Variants in ZNF385D observed in about 807,000 individuals in gnomAD.
The protein encoded by ZNF385D is zinc finger protein 385D.
Under a neutral mutation model 35.8 loss-of-function variants are expected in ZNF385D, and 15 were observed. The observed-to-expected ratio is 0.42, with a 90% confidence interval of 0.28 to 0.64. The LOEUF (loss-of-function observed/expected upper bound fraction) is 0.64. ZNF385D is among the 30% of genes least tolerant of loss of function. The pLI is 0.23. For missense variants in ZNF385D, 474 were observed against 494.6 expected (o/e 0.96, Z 0.39); for synonymous variants, 212 against 186.8 (o/e 1.13, Z -1.10).
chr3:22,365,471 G>T (rs867985791), intron 2 of ZNF385D, among the ~76,000 whole-genome samples: 2 of 152,022 alleles, frequency 1.3e-5, no homozygotes, highest in Non-Finnish European at 2.9e-5. Flanking sequence ...CAGTCGACGA[G>T]ATGTTTATCT....
intron 4 of ZNF385D, among the ~76,000 whole-genome samples, chr3:21,475,204 G>GT (rs1704154691): frequency 1.3e-5 from 2 of 151,802 alleles, no homozygotes; most frequent in African/African-American, 4.8e-5. Context: ...AAGTAATTGT[G>GT]GTTTTTGCCA....
intron 1 of ZNF385D, among the ~76,000 whole-genome samples, chr3:21,729,201 T>C (rs1295265250): frequency 6.6e-6 from 1 of 152,102 alleles, no homozygotes; most frequent in East Asian, 1.9e-4. Context: ...AAATCAAAGT[T>C]ACAAGGATTC....
intron 4 of ZNF385D, among the ~76,000 whole-genome samples, chr3:21,482,860 A>G (rs1346332895): frequency 2.6e-5 from 4 of 152,138 alleles, no homozygotes; most frequent in African/African-American, 9.7e-5. Context: ...AGATCCACAT[A>G]GAAGTTGCAA....
Position 21,533,900 on chromosome 3 carries a change from C to G in ZNF385D, c.277-22877G>C, listed in dbSNP as rs76843757. ...AAGACAAAAGAGAAATATCAGACCT[C>G]TAGCAATCTTTGCCATAGTCACCTA... On this transcript the variant is annotated intron_variant, in intron 3 of 7. Transcript: ENST00000281523. 2.9e-3 allele frequency among the ~76,000 whole-genome samples: 442 copies of G among 152,212 alleles called. 4 individuals carry two copies. The highest frequency in any genetic ancestry group is 9.3e-3 in the African/African-American group (386 of 41,560).
intron 3 of ZNF385D, among the ~76,000 whole-genome samples, chr3:22,129,239 C>A (rs1056548507): frequency 6.6e-6 from 1 of 152,148 alleles, no homozygotes; most frequent in East Asian, 1.9e-4. Flanking sequence ...AGTGGTGACA[C>A]AAGCATTCCC....
At position 21,419,187 on chromosome 3, in the gene ZNF385D, C is replaced by A. The variant is rs555800972; in HGVS notation, c.*2027G>T. The A allele has an allele frequency of 6.6e-6, 1 of 151,798 alleles. No homozygotes were observed. The allele number at this position is 151,798 out of a possible 1,614,324, so 9.4% of individuals were successfully genotyped here. A position where few individuals can be genotyped will look rare whatever the true frequency, so the allele number is the denominator to read the frequency against. ...CCATCTCCTTTCCTTCCTTCCTTCC[C>A]TCCTTTCTTCCTTCCTTCCTTCCAT... is the stretch of plus-strand genomic sequence containing the variant. On this transcript the variant is annotated 3_prime_UTR_variant, in exon 8 of 8. Coordinates refer to ENST00000281523, the MANE Select transcript of ZNF385D (RefSeq NM_024697.3).
At chr3:21,970,461 T>G (rs138238104) in intron 3 of ZNF385D, among the ~76,000 whole-genome samples, 36 of 150,872 alleles carry the variant, frequency 2.4e-4, no homozygotes, top group African/African-American at 8.2e-4. Context: ...GCAAAAGAAA[T>G]AAATAGTGAG....
intron 3 of ZNF385D, among the ~76,000 whole-genome samples, chr3:21,773,786 G>A (rs1170180921): frequency 6.6e-6 from 1 of 151,850 alleles, no homozygotes; most frequent in Non-Finnish European, 1.5e-5. Flanking sequence ...TGCTGGTGAG[G>A]TTGTGGAGAA....
chr3:22,069,969 G>A (rs974430845), intron 3 of ZNF385D, among the ~76,000 whole-genome samples: 1 of 152,128 alleles, frequency 6.6e-6, no homozygotes, highest in Non-Finnish European at 1.5e-5. Flanking sequence ...AGCAAGCTAA[G>A]GCAAATAAGA....
At chr3:21,992,056 A>C (rs917808870) in intron 3 of ZNF385D, among the ~76,000 whole-genome samples, 1 of 152,180 alleles carries the variant, frequency 6.6e-6, no homozygotes, top group Non-Finnish European at 1.5e-5. Context: ...GTCCTGCCTT[A>C]TGTAGTTGCT....
At chr3:21,865,494 C>T (rs919485631) in intron 3 of ZNF385D, among the ~76,000 whole-genome samples, 1 of 152,098 alleles carries the variant, frequency 6.6e-6, no homozygotes. Flanking sequence ...ACCAACACTG[C>T]TATCAGTTTG....
intron 3 of ZNF385D, among the ~76,000 whole-genome samples, chr3:21,821,070 G>A (rs2073374211): frequency 6.6e-6 from 1 of 151,886 alleles, no homozygotes; most frequent in Non-Finnish European, 1.5e-5. Flanking sequence ...TATTTTTTCA[G>A]GGGTGTTTTA....
chr3:21,855,274 AAT>A (rs869177426), intron 3 of ZNF385D, among the ~76,000 whole-genome samples: 4 of 151,986 alleles, frequency 2.6e-5, no homozygotes, highest in African/African-American at 9.7e-5. Context: ...TGATAAAAAA[AAT>A]TTTACTCTTC....
intron 3 of ZNF385D, among the ~76,000 whole-genome samples, chr3:21,780,195 C>A (rs777484380): frequency 6.6e-6 from 1 of 152,014 alleles, no homozygotes; most frequent in Non-Finnish European, 1.5e-5. Flanking sequence ...GTGCCAGGCA[C>A]TGATCTAACT....
At chr3:22,193,979 G>A (rs1478596033) in intron 2 of ZNF385D, among the ~76,000 whole-genome samples, 1 of 151,854 alleles carries the variant, frequency 6.6e-6, no homozygotes, top group Non-Finnish European at 1.5e-5. Context: ...TGAAACAAGT[G>A]GAAAATGATA....
At chr3:22,131,149 G>C (rs1253778142) in intron 3 of ZNF385D, among the ~76,000 whole-genome samples, 1 of 152,104 alleles carries the variant, frequency 6.6e-6, no homozygotes, top group Non-Finnish European at 1.5e-5. Context: ...AGAATTCCAA[G>C]AACTAAGCCC....
intron 1 of ZNF385D, among the ~76,000 whole-genome samples, chr3:21,702,677 C>A (rs2067735308): frequency 6.6e-6 from 1 of 152,202 alleles, no homozygotes; most frequent in South Asian, 2.1e-4. Flanking sequence ...CCTTTAACAG[C>A]ACCCAAGTCA....
chr3:21,920,300 AAC>A (rs1700390895), intron 3 of ZNF385D, among the ~76,000 whole-genome samples: 1 of 152,174 alleles, frequency 6.6e-6, no homozygotes. Flanking sequence ...CAGTGCTTCA[AAC>A]ACAGTTGTGT....
intron 3 of ZNF385D, among the ~76,000 whole-genome samples, chr3:22,101,005 G>A (rs1039475331): frequency 2.6e-5 from 4 of 151,954 alleles, no homozygotes; most frequent in African/African-American, 7.2e-5. Flanking sequence ...ACATGCGCCT[G>A]TTATAAATGG....
Sources: allele counts gnomAD v4.1 joint callset (sites outside exome capture counted in the v4.1 genomes callset), GRCh38; gene constraint gnomAD v4.1.1; transcripts MANE v1.5; gene names NCBI Gene and HGNC (gene_info 2026-07-23, HGNC 2026-07-21).